The following PLXDC1 variants were observed in gnomAD, a reference collection of about 807,000 sequenced individuals.
PLXDC1 encodes plexin domain-containing protein 1.
PLXDC1 carries 39 observed loss-of-function variants against 61.3 expected under a neutral mutation model. That is an observed-to-expected ratio of 0.64 (90% CI 0.49 to 0.83). The LOEUF is 0.83. Ranked by LOEUF, PLXDC1 falls within the 40% of genes least tolerant of loss-of-function variation. The pLI, the probability that PLXDC1 is intolerant of heterozygous loss-of-function variation, is 0.00. For missense variants in PLXDC1, 596 were observed against 666.5 expected (o/e 0.89, Z 1.17); for synonymous variants, 212 against 254.5 (o/e 0.83, Z 1.59).
At position 39,064,719 on chromosome 17, in the gene PLXDC1, T is replaced by C. The variant is rs1908829943; in HGVS notation, c.*3121A>G. 1 of 152,106 alleles carries C rather than the reference T, an allele frequency of 6.6e-6. No individual in the cohort carries two copies. Among genetic ancestry groups the C allele is most frequent in the African/African-American group, 2.4e-5 (1 of 41,400 alleles). 9.4% of individuals were successfully genotyped at this position (152,106 alleles called of 1,614,324 possible). On this transcript the variant is annotated 3_prime_UTR_variant, in exon 14 of 14. Coordinates refer to ENST00000315392, the MANE Select transcript of PLXDC1 (RefSeq NM_020405.5). ...CAATCAGAGTTGGAAACGTGGGGCC[T>C]CAGCTCTGCTTGATAAACCAGGCAA...
intron 2 of PLXDC1, among the ~76,000 whole-genome samples, chr17:39,118,259 C>T (rs958892329): frequency 1.3e-5 from 2 of 151,806 alleles, no homozygotes; most frequent in African/African-American, 4.8e-5. Flanking sequence ...GGCTGGAGTG[C>T]AATGGTGAGA....
chr17:39,132,642 G>C (rs929243689), intron 2 of PLXDC1, among the ~76,000 whole-genome samples: 1 of 152,216 alleles, frequency 6.6e-6, no homozygotes, highest in Admixed American at 6.5e-5. Flanking sequence ...GTGGTGAGAT[G>C]GCCTGGCGGG....
chr17:39,087,743 G>A, intron 7 of PLXDC1, 41 bp from the exon 8 acceptor site: 1 of 1,481,392 alleles, frequency 6.8e-7, no homozygotes, highest in Non-Finnish European at 9.4e-7. Flanking sequence ...GCATATCACA[G>A]GCAGAGGGCA....
intron 12 of PLXDC1, among the ~76,000 whole-genome samples, chr17:39,071,743 G>A (rs1244987747): frequency 6.6e-6 from 1 of 152,120 alleles, no homozygotes; most frequent in African/African-American, 2.4e-5. Context: ...AGGAGCAATG[G>A]CTCCACCTCT....
intron 12 of PLXDC1, among the ~76,000 whole-genome samples, chr17:39,071,134 A>G (rs1909101753): frequency 6.6e-6 from 1 of 152,202 alleles, no homozygotes; most frequent in Admixed American, 6.5e-5. Context: ...AGTATTTTCC[A>G]CAGAGCTGGA....
At chr17:39,082,495 G>A (rs1344291534) in intron 9 of PLXDC1, among the ~76,000 whole-genome samples, 2 of 150,840 alleles carry the variant, frequency 1.3e-5, no homozygotes, top group African/African-American at 2.4e-5. Context: ...AACTCAGGAG[G>A]TAAAGGTTGC....
At chr17:39,139,607 TCCCCCA>T in intron 2 of PLXDC1, 41 bp downstream of exon 2, 2 of 1,504,860 alleles carry the variant, frequency 1.3e-6, no homozygotes, top group Admixed American at 1.8e-5. Flanking sequence ...TGGTGAGACC[TCCCCCA>T]CCCCCACTTC....
chr17:39,128,085 C>CTATGTATATATATATATATA (rs1567769437), intron 2 of PLXDC1, among the ~76,000 whole-genome samples: 1 of 91,578 alleles, frequency 1.1e-5, no homozygotes, highest in African/African-American at 4.1e-5. Flanking sequence ...CTCTCTCTCT[C>CTATGTATATATATATATATA]TCTCTCTATG....
At chr17:39,088,739 G>A (rs2143478337) in intron 7 of PLXDC1, among the ~76,000 whole-genome samples, 1 of 152,032 alleles carries the variant, frequency 6.6e-6, no homozygotes, top group Admixed American at 6.5e-5. Flanking sequence ...TCAGGAGTTC[G>A]AGACCAGCCT....
chr17:39,073,934 G>A (rs1380978392), intron 11 of PLXDC1, among the ~76,000 whole-genome samples: 3 of 152,096 alleles, frequency 2.0e-5, no homozygotes, highest in African/African-American at 4.8e-5. Context: ...GCAAGTGAAC[G>A]GCTCTTAAAT....
rs1332431565 is a variant in PLXDC1 at position 39,117,839 on chromosome 17, G to C, written c.256-8448C>G. On this transcript the variant is annotated intron_variant, in intron 2 of 13. Transcript: ENST00000315392. ...CCTCCAATCTGTCCACATGCCCAGG[G>C]AGGTGCAACAGTTCTGCCAACCACT... is the stretch of plus-strand genomic sequence containing the variant. Among the ~76,000 whole-genome samples, 4 of 152,194 alleles carry C rather than the reference G, an allele frequency of 2.6e-5. 1 individual carries two copies. The highest frequency in any genetic ancestry group is 9.7e-5 in the African/African-American group (4 of 41,444).
Position 39,069,868 on chromosome 17 carries a change from G to A in PLXDC1, c.1371C>T (p.Leu457=). The A allele has an allele frequency of 1.2e-6, 2 of 1,613,864 alleles. No homozygotes were observed. The highest frequency in any genetic ancestry group is 1.1e-5 in the South Asian group (1 of 91,068). Reference sequence around the variant, plus strand: ...AGATGACACGGACCTCGATGAAGAAGAGCGCAGCATTGGATGTGGGGTGGC... The same window carrying A: ...AGATGACACGGACCTCGATGAAGAAAAGCGCAGCATTGGATGTGGGGTGGC... ...INGHPTSNAA[L]FFIERRPHHW... The change falls in exon 13 of 14, where the codon CTC becomes CTT. Residue 457 remains leucine (L), a synonymous_variant. Coordinates refer to ENST00000315392, the MANE Select transcript of PLXDC1 (RefSeq NM_020405.5).
chr17:39,086,373 G>GC (rs1166804299), intron 8 of PLXDC1, among the ~76,000 whole-genome samples: 1 of 152,190 alleles, frequency 6.6e-6, no homozygotes, highest in Non-Finnish European at 1.5e-5. Context: ...AAAGACACCT[G>GC]CTGAGCCCTG....
intron 1 of PLXDC1, among the ~76,000 whole-genome samples, chr17:39,147,532 A>C (rs1166954140): frequency 6.6e-6 from 1 of 152,132 alleles, no homozygotes; most frequent in Non-Finnish European, 1.5e-5. Flanking sequence ...CCTGCCTCCA[A>C]GTTACAAAGC....
At chr17:39,105,783 C>T in intron 7 of PLXDC1, 71 bp downstream of exon 7, 1 of 928,760 alleles carries the variant, frequency 1.1e-6, no homozygotes, top group East Asian at 2.5e-5. Context: ...GCCATCCCCC[C>T]AGCAGCTCAG....
intron 11 of PLXDC1, chr17:39,072,939 G>C (rs1003677510): frequency 3.6e-5 from 6 of 166,566 alleles, no homozygotes; most frequent in African/African-American, 9.5e-5. Flanking sequence ...CACCCTTCCT[G>C]TGGTTCCTTC....
In PLXDC1 at chr17:39,063,715, A is replaced by T; in HGVS notation, c.*4125T>A. On this transcript the variant is annotated 3_prime_UTR_variant, in exon 14 of 14. Coordinates refer to ENST00000315392, the MANE Select transcript of PLXDC1 (RefSeq NM_020405.5). ...GTGTTTTAGAAGGCTGGGTGCCCTC[A>T]GTCCCCAGATCTTTGAATTCTACCA... 1 of 523,764 alleles carries T rather than the reference A, an allele frequency of 1.9e-6. No homozygotes were observed. The highest frequency in any genetic ancestry group is 2.5e-5 in the South Asian group (1 of 39,768). The allele number at this position is 523,764 out of a possible 1,614,324, so 32.4% of individuals were successfully genotyped here.
chr17:39,129,410 A>G (rs1318138719), intron 2 of PLXDC1, among the ~76,000 whole-genome samples: 5 of 151,648 alleles, frequency 3.3e-5, no homozygotes, highest in Non-Finnish European at 7.4e-5. Context: ...CGAGGTCAGG[A>G]GATCGAGTCC....
intron 5 of PLXDC1, 175 bp downstream of exon 5, chr17:39,107,948 T>C (rs1424537998): frequency 7.0e-6 from 5 of 716,268 alleles, no homozygotes; most frequent in Non-Finnish European, 1.2e-5. Flanking sequence ...TTCTTCTGGG[T>C]AGCAGGCATT....
Sources: gnomAD v4.1 joint callset for allele counts (sites outside exome capture counted in the v4.1 genomes callset) on GRCh38, gnomAD v4.1.1 for gene constraint, MANE v1.5 for transcripts, NCBI Gene and HGNC (gene_info 2026-07-23, HGNC 2026-07-21) for gene names.